Variants in LDLRAD4 observed in about 807,000 individuals in gnomAD.
LDLRAD4 encodes low density lipoprotein receptor class A domain containing 4.
Under a neutral mutation model 17.0 loss-of-function variants are expected in LDLRAD4, and 5 were observed. The ratio of observed to expected loss-of-function variants is 0.29; its 90% CI spans 0.15 to 0.62. The LOEUF is 0.62. Ranked by LOEUF, LDLRAD4 falls within the 20% of genes least tolerant of loss-of-function variation. The pLI is 0.84. For missense variants in LDLRAD4, 340 were observed against 424.7 expected (o/e 0.80, Z 1.75); for synonymous variants, 168 against 171.8 (o/e 0.98, Z 0.17).
At chr18:13,284,884 C>T (rs964772275) in intron 1 of LDLRAD4, among the ~76,000 whole-genome samples, 6 of 152,198 alleles carry the variant, frequency 3.9e-5, no homozygotes, top group East Asian at 1.9e-4. Context: ...CAGACTGCAT[C>T]GCAGCAGTCC....
chr18:13,223,354 G>A (rs2041569424), intron 1 of LDLRAD4, among the ~76,000 whole-genome samples: 1 of 152,224 alleles, frequency 6.6e-6, no homozygotes. Context: ...TCCATGCCAG[G>A]TGTCGCGAGG....
intron 3 of LDLRAD4, among the ~76,000 whole-genome samples, chr18:13,582,459 C>T (rs2094875524): frequency 6.6e-6 from 1 of 152,254 alleles, no homozygotes; most frequent in Non-Finnish European, 1.5e-5. Context: ...ATGCAGTTCC[C>T]TCCCAGGCTT....
chr18:13,580,937 T>C (rs997585461), intron 3 of LDLRAD4, among the ~76,000 whole-genome samples: 2 of 152,254 alleles, frequency 1.3e-5, no homozygotes, highest in African/African-American at 4.8e-5. Flanking sequence ...TGCTGGTTGG[T>C]GGATACCTGG....
chr18:13,373,462 T>C (rs750134239), intron 1 of LDLRAD4, among the ~76,000 whole-genome samples: 2 of 152,232 alleles, frequency 1.3e-5, no homozygotes, highest in African/African-American at 4.8e-5. Context: ...CTATCTTTGT[T>C]GCTTGTGTGC....
At chr18:13,402,110 T>C (rs1390613195) in intron 2 of LDLRAD4, among the ~76,000 whole-genome samples, 1 of 152,234 alleles carries the variant, frequency 6.6e-6, no homozygotes, top group East Asian at 1.9e-4. Context: ...ATTTCAGCAT[T>C]AAATACCGTC....
chr18:13,417,894 C>A (rs1214441608), intron 2 of LDLRAD4, among the ~76,000 whole-genome samples: 2 of 152,004 alleles, frequency 1.3e-5, no homozygotes, highest in Admixed American at 6.6e-5. Flanking sequence ...ACCTTCTTTG[C>A]TATATACATT....
In LDLRAD4 at chr18:13,605,111, AGCGCAG is replaced by A. The variant is rs1308846632; in HGVS notation, c.182-16005_182-16000del. Among the ~76,000 whole-genome samples the A allele has an allele frequency of 2.0e-5, 3 of 152,240 alleles. No homozygotes were observed. In the East Asian group the frequency reaches 5.8e-4, roughly 29 times the overall value. On this transcript the variant is annotated intron_variant, in intron 3 of 5. Transcript: ENST00000359446. The stretch of plus-strand genomic sequence containing the variant: ...GCTCCTGGCACTTGAGTTTGTCCAG[AGCGCAG>A]AATTAGAGTGTTCTCTTAACATATG...
At chr18:13,572,698 T>G (rs1325240218) in intron 3 of LDLRAD4, among the ~76,000 whole-genome samples, 1 of 152,190 alleles carries the variant, frequency 6.6e-6, no homozygotes, top group Non-Finnish European at 1.5e-5. Context: ...TCACCATTTT[T>G]TAGTTAAATT....
At chr18:13,427,101 G>A (rs1355107453) in intron 2 of LDLRAD4, among the ~76,000 whole-genome samples, 2 of 152,306 alleles carry the variant, frequency 1.3e-5, no homozygotes, top group African/African-American at 4.8e-5. Flanking sequence ...CAGGGGAATC[G>A]CTTGAACCCA....
chr18:13,571,919 A>G (rs1416719932), intron 3 of LDLRAD4, among the ~76,000 whole-genome samples: 1 of 152,192 alleles, frequency 6.6e-6, no homozygotes, highest in Non-Finnish European at 1.5e-5. Flanking sequence ...TACAGGCGTG[A>G]GCTACCGCAC....
At chr18:13,365,138 T>G (rs1172469134) in intron 1 of LDLRAD4, among the ~76,000 whole-genome samples, 1 of 152,130 alleles carries the variant, frequency 6.6e-6, no homozygotes, top group Non-Finnish European at 1.5e-5. Context: ...TTGCATTGCT[T>G]TGTTTATTCT....
At chr18:13,252,408 C>T (rs773986410) in intron 1 of LDLRAD4, among the ~76,000 whole-genome samples, 4 of 152,214 alleles carry the variant, frequency 2.6e-5, no homozygotes, top group Non-Finnish European at 4.4e-5. Context: ...GGATTACAGG[C>T]GTGAGCAACT....
chr18:13,311,888 G>T (rs1401670092), intron 1 of LDLRAD4, among the ~76,000 whole-genome samples: 1 of 149,518 alleles, frequency 6.7e-6, no homozygotes, highest in African/African-American at 2.5e-5. Context: ...CTGGAGTGCA[G>T]TGGTGCGATC....
chr18:13,577,209 A>G (rs2094787058), intron 3 of LDLRAD4, among the ~76,000 whole-genome samples: 1 of 152,216 alleles, frequency 6.6e-6, no homozygotes, highest in Non-Finnish European at 1.5e-5. Context: ...ACTCCTGGGC[A>G]TGCTGTTCCA....
intron 3 of LDLRAD4, among the ~76,000 whole-genome samples, chr18:13,499,639 C>T (rs1648599): frequency 0.58 from 85,945 of 148,696 alleles, 27,134 homozygotes; most frequent in East Asian, 0.89. Flanking sequence ...ACACACGTCC[C>T]GCTGTGGATA....
intron 3 of LDLRAD4, among the ~76,000 whole-genome samples, chr18:13,555,939 C>A (rs1475617323): frequency 6.6e-6 from 1 of 152,098 alleles, no homozygotes; most frequent in Non-Finnish European, 1.5e-5. Context: ...GTCTTCCTTG[C>A]AGCTTATTAT....
intron 3 of LDLRAD4, among the ~76,000 whole-genome samples, chr18:13,500,253 G>C (rs936643324): frequency 6.9e-6 from 1 of 145,904 alleles, no homozygotes; most frequent in African/African-American, 2.4e-5. Flanking sequence ...GGGAATAGCA[G>C]CTGTCTTGTG....
At chr18:13,542,583 A>T (rs934191018) in intron 3 of LDLRAD4, 2 of 152,032 alleles carry the variant, frequency 1.3e-5, no homozygotes, top group African/African-American at 4.8e-5. Context: ...CCCGTCCCCT[A>T]CCGTGGGCTC....
intron 1 of LDLRAD4, among the ~76,000 whole-genome samples, chr18:13,243,109 C>G (rs923695518): frequency 2.6e-5 from 4 of 152,260 alleles, no homozygotes; most frequent in African/African-American, 9.6e-5. Flanking sequence ...CTGACTCCAG[C>G]TGATCTTAGT....
Sources: gnomAD v4.1 joint callset for allele counts (sites outside exome capture counted in the v4.1 genomes callset) on GRCh38, gnomAD v4.1.1 for gene constraint, MANE v1.5 for transcripts, NCBI Gene and HGNC (gene_info 2026-07-23, HGNC 2026-07-21) for gene names.